ATP8B1: variants seen among roughly 807,000 people sequenced by gnomAD.
ATP8B1 encodes ATPase phospholipid transporting 8B1.
Under a neutral mutation model 149.9 loss-of-function variants are expected in ATP8B1, and 80 were observed. The ratio of observed to expected loss-of-function variants is 0.53; its 90% CI spans 0.45 to 0.64. The LOEUF (loss-of-function observed/expected upper bound fraction) is 0.64, where lower values mean the gene tolerates loss of function less well. ATP8B1 is among the 30% of genes least tolerant of loss of function. ATP8B1 has a pLI of 0.00. For missense variants in ATP8B1, 1,247 were observed against 1,552.6 expected, an observed-to-expected ratio of 0.80 and a Z score of 3.31; for synonymous variants, 536 against 562.8, an observed-to-expected ratio of 0.95 and a Z score of 0.67.
intron 2 of ATP8B1, among the ~76,000 whole-genome samples, chr18:57,718,658 A>T (rs1489060559): frequency 6.6e-6 from 1 of 152,246 alleles, no homozygotes; most frequent in Non-Finnish European, 1.5e-5. Context: ...CAACACATTA[A>T]AAAGATCATT....
chr18:57,669,547 A>G, intron 17 of ATP8B1, 65 bp from the exon 18 acceptor site: 1 of 1,480,694 alleles, frequency 6.8e-7, no homozygotes, highest in Non-Finnish European at 9.3e-7. Flanking sequence ...ATTCAGGATC[A>G]AGTCTGAAAT....
At chr18:57,792,116 C>T (rs181886228) in intron 1 of ATP8B1, among the ~76,000 whole-genome samples, 4 of 152,330 alleles carry the variant, frequency 2.6e-5, no homozygotes, top group East Asian at 3.9e-4. Context: ...TCCACACACA[C>T]ATATTTGTAG....
intron 1 of ATP8B1, among the ~76,000 whole-genome samples, chr18:57,789,498 G>A (rs1234178405): frequency 6.6e-6 from 1 of 152,168 alleles, no homozygotes; most frequent in Non-Finnish European, 1.5e-5. Context: ...CACAAAAGCA[G>A]CACCACTTTG....
At chr18:57,718,571 A>G (rs924945875) in intron 2 of ATP8B1, among the ~76,000 whole-genome samples, 3 of 152,194 alleles carry the variant, frequency 2.0e-5, no homozygotes, top group African/African-American at 7.2e-5. Context: ...AACAAAAACA[A>G]AAAGACCTAT....
intron 1 of ATP8B1, among the ~76,000 whole-genome samples, chr18:57,796,930 T>C (rs2080521007): frequency 6.6e-6 from 1 of 152,172 alleles, no homozygotes; most frequent in Non-Finnish European, 1.5e-5. Flanking sequence ...GGATTACAGG[T>C]GTTAGCTATG....
chr18:57,793,643 A>G, intron 1 of ATP8B1, among the ~76,000 whole-genome samples: 1 of 151,998 alleles, frequency 6.6e-6, no homozygotes, highest in Non-Finnish European at 1.5e-5. Flanking sequence ...GAACAGCTAG[A>G]TAAGCCAAGC....
At chr18:57,773,991 C>T (rs969203318) in intron 1 of ATP8B1, among the ~76,000 whole-genome samples, 4 of 152,292 alleles carry the variant, frequency 2.6e-5, no homozygotes, top group Middle Eastern at 3.4e-3. Context: ...AGTTACTCCT[C>T]GGCTCGAAAC....
At chr18:57,750,576 C>T (rs1021156287) in intron 1 of ATP8B1, among the ~76,000 whole-genome samples, 23 of 152,214 alleles carry the variant, frequency 1.5e-4, no homozygotes, top group African/African-American at 5.1e-4. Flanking sequence ...GGCCACAAAA[C>T]GGTCACCTCC....
intron 22 of ATP8B1, among the ~76,000 whole-genome samples, chr18:57,659,548 G>A (rs1460865748): frequency 6.6e-6 from 1 of 151,506 alleles, no homozygotes; most frequent in African/African-American, 2.4e-5. Context: ...GGCTAGTTAC[G>A]TTAAAGGTAC....
At chr18:57,738,422 A>G (rs1465200554) in intron 1 of ATP8B1, among the ~76,000 whole-genome samples, 1 of 152,188 alleles carries the variant, frequency 6.6e-6, no homozygotes, top group Non-Finnish European at 1.5e-5. Context: ...TCAAGAGTTC[A>G]AGACCAGCCT....
intron 1 of ATP8B1, among the ~76,000 whole-genome samples, chr18:57,794,475 A>AC (rs1319140932): frequency 6.6e-6 from 1 of 151,544 alleles, no homozygotes; most frequent in East Asian, 1.9e-4. Context: ...AAAAAAAAAA[A>AC]AAAAAAAAAA....
intron 17 of ATP8B1, among the ~76,000 whole-genome samples, chr18:57,670,315 G>A (rs1239573572): frequency 6.6e-6 from 1 of 151,628 alleles, no homozygotes; most frequent in Non-Finnish European, 1.5e-5. Flanking sequence ...TTCCCATGAT[G>A]AACGATTCAA....
intron 12 of ATP8B1, among the ~76,000 whole-genome samples, chr18:57,689,091 C>A (rs1912402074): frequency 6.6e-6 from 1 of 152,150 alleles, no homozygotes; most frequent in Non-Finnish European, 1.5e-5. Flanking sequence ...CCACTCACTC[C>A]TGGGCACATT....
At chr18:57,762,993 G>A (rs993872701) in intron 1 of ATP8B1, among the ~76,000 whole-genome samples, 5 of 152,208 alleles carry the variant, frequency 3.3e-5, no homozygotes, top group Non-Finnish European at 7.3e-5. Context: ...GGAGTTCAAA[G>A]AATGAGAATC....
chr18:57,759,644 C>T (rs1197356730), intron 1 of ATP8B1, among the ~76,000 whole-genome samples: 1 of 151,044 alleles, frequency 6.6e-6, no homozygotes, highest in Admixed American at 6.6e-5. Flanking sequence ...CCCATCTCTA[C>T]TAAAAATAAA....
At chr18:57,759,946 C>T (rs1227458446) in intron 1 of ATP8B1, among the ~76,000 whole-genome samples, 1 of 152,152 alleles carries the variant, frequency 6.6e-6, no homozygotes, top group African/African-American at 2.4e-5. Flanking sequence ...GCAATTGCTA[C>T]CACCCTCCTA....
intron 15 of ATP8B1, among the ~76,000 whole-genome samples, chr18:57,678,283 A>G (rs1023468334): frequency 1.3e-5 from 2 of 152,112 alleles, no homozygotes; most frequent in Non-Finnish European, 2.9e-5. Context: ...GAGGGCAACA[A>G]GTGTTGAAAA....
intron 3 of ATP8B1, among the ~76,000 whole-genome samples, chr18:57,706,224 C>T (rs1226925933): frequency 6.6e-6 from 1 of 152,134 alleles, no homozygotes; most frequent in Non-Finnish European, 1.5e-5. Flanking sequence ...TATATTCTTT[C>T]ATAAAACATT....
Position 57,694,608 on chromosome 18 carries a change from A to G in ATP8B1, c.1003T>C (p.Tyr335His). 2 of 1,586,672 alleles carry G rather than the reference A, an allele frequency of 1.3e-6. No homozygotes were observed. Among genetic ancestry groups the G allele is most frequent in the Non-Finnish European group, 1.7e-6 (2 of 1,155,212 alleles). Reference protein sequence around the residue: ...KTRFKRTKIDYLMNYMVYTIF... With the variant: ...KTRFKRTKIDHLMNYMVYTIF... Reference sequence around the variant, plus strand: ...GTGTAAACCATGTAGTTCATCAAGTAATCAATTTTAGTTCTTTTAAATCTG... The same window carrying G: ...GTGTAAACCATGTAGTTCATCAAGTGATCAATTTTAGTTCTTTTAAATCTG... The change falls in exon 11 of 28, where the codon TAC becomes CAC. Residue 335 changes from tyrosine to histidine, a missense_variant. This residue lies in a region of ATP8B1 where 853 missense variants were observed against 1,035.7 expected (regional missense o/e 0.82). Coordinates refer to ENST00000648908, the MANE Select transcript of ATP8B1 (RefSeq NM_001374385.1).
Sources: allele counts gnomAD v4.1 joint callset (sites outside exome capture counted in the v4.1 genomes callset), GRCh38; gene constraint gnomAD v4.1.1; regional missense constraint gnomAD v4.1.1; transcripts MANE v1.5; gene names NCBI Gene and HGNC (gene_info 2026-07-23, HGNC 2026-07-21).